Variants in UNC93A observed in about 807,000 individuals in gnomAD.
UNC93A encodes the protein unc-93 homolog A, also known as N-acetylglucosamine transporter UNC93A.
In UNC93A, 43 loss-of-function variants were observed where a neutral mutation model predicts 47.5. That is an observed-to-expected ratio of 0.91 (90% CI 0.71 to 1.17). The LOEUF (loss-of-function observed/expected upper bound fraction) is 1.17, where lower values mean the gene tolerates loss of function less well. Ranked by LOEUF, UNC93A falls within the 50% of genes most tolerant of loss-of-function variation. UNC93A has a pLI of 0.00. For synonymous variants in UNC93A, 280 were observed against 258.0 expected (o/e 1.09, Z -0.82); for missense variants, 605 against 577.6 (o/e 1.05, Z -0.49).
At chr6:167,305,635 A>G (rs1778365105) in intron 5 of UNC93A, among the ~76,000 whole-genome samples, 1 of 152,166 alleles carries the variant, frequency 6.6e-6, no homozygotes. Flanking sequence ...GCTTCCATAT[A>G]AAATAGTGCC....
chr6:167,298,145 T>C (rs909531323), intron 4 of UNC93A, 75 bp downstream of exon 4: 6 of 1,542,540 alleles, frequency 3.9e-6, no homozygotes, highest in Non-Finnish European at 5.2e-6. Flanking sequence ...TGACAAAGAC[T>C]GTCTCTCCCA....
At chr6:167,307,935 C>T (rs1778449280) in intron 7 of UNC93A, 25 bp downstream of exon 7, 2 of 1,612,046 alleles carry the variant, frequency 1.2e-6, no homozygotes, top group Non-Finnish European at 1.7e-6. Context: ...CAGGCCCCTT[C>T]CTCTGTGGCA....
intron 1 of UNC93A, among the ~76,000 whole-genome samples, chr6:167,273,112 G>A (rs539762273): frequency 3.3e-5 from 5 of 152,292 alleles, no homozygotes; most frequent in South Asian, 2.1e-4. Context: ...TCTTACTGCC[G>A]CCTTCTAACC....
Position 167,303,981 on chromosome 6 carries a change from C to A in UNC93A, c.688C>A (p.Arg230=). The A allele has an allele frequency of 1.2e-6, 2 of 1,613,568 alleles. No individual in the cohort carries two copies. The highest frequency in any genetic ancestry group is 1.1e-5 in the South Asian group (1 of 91,038). Reference sequence around the variant, plus strand: ...CCTCCAACCCATACGAGATGTTCAGCGGGAAAGTGAAGGAGAGAAGAAATC... The same window carrying A: ...CCTCCAACCCATACGAGATGTTCAGAGGGAAAGTGAAGGAGAGAAGAAATC... The part of the protein sequence containing the change: ...AFLQPIRDVQ[R]ESEGEKKSVP... Residue 230 remains arginine, a synonymous_variant, in exon 5 of 8, where the codon CGG becomes AGG. Transcript: ENST00000230256.
At chr6:167,293,866 C>T (rs1180716026) in intron 1 of UNC93A, among the ~76,000 whole-genome samples, 1 of 152,164 alleles carries the variant, frequency 6.6e-6, no homozygotes, top group Non-Finnish European at 1.5e-5. Context: ...CTCCTTCTCC[C>T]CACCCTGCCC....
At chr6:167,310,316 C>T (rs1778522829) in intron 7 of UNC93A, among the ~76,000 whole-genome samples, 2 of 152,404 alleles carry the variant, frequency 1.3e-5, no homozygotes, top group East Asian at 1.9e-4. Flanking sequence ...CTAAATGCTC[C>T]CAATGAATGT....
intron 1 of UNC93A, among the ~76,000 whole-genome samples, chr6:167,280,510 G>A (rs988472176): frequency 2.0e-5 from 3 of 152,140 alleles, no homozygotes; most frequent in African/African-American, 7.2e-5. Flanking sequence ...GCACTAGGAG[G>A]CCCTGTGCAT....
chr6:167,297,903 T>G (rs1465770735), intron 3 of UNC93A, 42 bp from the exon 4 acceptor site: 1 of 1,604,506 alleles, frequency 6.2e-7, no homozygotes, highest in Non-Finnish European at 8.5e-7. Flanking sequence ...TCTTGTCACA[T>G]TTGCCGTCAT....
chr6:167,303,616 C>T (rs992492227), intron 4 of UNC93A, among the ~76,000 whole-genome samples: 7 of 152,084 alleles, frequency 4.6e-5, no homozygotes, highest in African/African-American at 1.4e-4. Context: ...TGGTTAAGGA[C>T]ACTCAGAACT....
At chr6:167,290,035 C>A (rs1027665347), upstream of UNC93A, among the ~76,000 whole-genome samples, 1 of 152,144 alleles carries the variant, frequency 6.6e-6, no homozygotes, top group African/African-American at 2.4e-5. Flanking sequence ...GGGTGCTGTT[C>A]TAGGGGCTTT....
intron 7 of UNC93A, among the ~76,000 whole-genome samples, chr6:167,313,892 C>T (rs1778621951): frequency 6.6e-6 from 1 of 152,144 alleles, no homozygotes; most frequent in South Asian, 2.1e-4. Context: ...TTTGGTTATT[C>T]AGTTCTCTTT....
At chr6:167,303,357 C>T (rs9364909) in intron 4 of UNC93A, among the ~76,000 whole-genome samples, 39,504 of 152,092 alleles carry the variant, frequency 0.26, 5,175 homozygotes, top group Middle Eastern at 0.32. Context: ...GGGGGATTTT[C>T]CCATCCGTGT....
chr6:167,305,288 A>G (rs1185578079), intron 5 of UNC93A, among the ~76,000 whole-genome samples: 4 of 152,194 alleles, frequency 2.6e-5, no homozygotes, highest in Non-Finnish European at 4.4e-5. Flanking sequence ...TAGGAGCTTA[A>G]AAGAGTAGAA....
At chr6:167,299,774 C>T (rs944391905) in intron 4 of UNC93A, among the ~76,000 whole-genome samples, 9 of 152,236 alleles carry the variant, frequency 5.9e-5, no homozygotes, top group South Asian at 2.1e-4. Context: ...TCCCTGGAGG[C>T]GAGATGTCCA....
rs1778514139 is a variant in UNC93A at position 167,310,029 on chromosome 6, T to G, written c.1108+2119T>G. Among the ~76,000 whole-genome samples, 3 of 152,302 alleles carry G rather than the reference T, an allele frequency of 2.0e-5. No homozygotes were observed. The South Asian group carries it at 6.2e-4, about 32-fold the overall frequency. On this transcript the variant is annotated intron_variant, in intron 7 of 7. Transcript: ENST00000230256. ...GGAGACAAACAGCAACTCACTTTGG[T>G]GTTCTTGGCAGTGCAGAATTATAAG...
chr6:167,283,766 A>G (rs6914818), intron 1 of UNC93A, among the ~76,000 whole-genome samples: 2,919 of 152,306 alleles, frequency 0.019, 106 homozygotes, highest in African/African-American at 0.067. Flanking sequence ...CATCATGTTC[A>G]GAGAGAAATT....
upstream of UNC93A, among the ~76,000 whole-genome samples, chr6:167,270,925 A>G (rs1562337128): frequency 6.6e-6 from 1 of 152,164 alleles, no homozygotes; most frequent in Non-Finnish European, 1.5e-5. Context: ...CGACCTCAAG[A>G]AACTAACACA....
At chr6:167,305,317 C>A (rs1778352902) in intron 5 of UNC93A, among the ~76,000 whole-genome samples, 1 of 152,194 alleles carries the variant, frequency 6.6e-6, no homozygotes, top group Admixed American at 6.5e-5. Flanking sequence ...ACAGAAAGGT[C>A]TACTTGGCGT....
chr6:167,297,670 G>A (rs1488485563), intron 3 of UNC93A, among the ~76,000 whole-genome samples: 1 of 152,116 alleles, frequency 6.6e-6, no homozygotes, highest in Non-Finnish European at 1.5e-5. Context: ...AGTAAAACAA[G>A]TAACCAGCAC....
Sources: allele counts gnomAD v4.1 joint callset (sites outside exome capture counted in the v4.1 genomes callset), GRCh38; gene constraint gnomAD v4.1.1; transcripts MANE v1.5; gene names NCBI Gene and HGNC (gene_info 2026-07-23, HGNC 2026-07-21).